PLEKHM3: variants seen among roughly 807,000 people sequenced by gnomAD.
PLEKHM3 encodes pleckstrin homology domain-containing family M member 3.
Under a neutral mutation model 81.8 loss-of-function variants are expected in PLEKHM3, and 45 were observed. The ratio of observed to expected loss-of-function variants is 0.55; its 90% CI spans 0.43 to 0.71. PLEKHM3 has a LOEUF of 0.71. Ranked by LOEUF, PLEKHM3 falls within the 30% of genes least tolerant of loss-of-function variation. The pLI, the probability that PLEKHM3 is intolerant of heterozygous loss-of-function variation, is 0.00. For synonymous variants in PLEKHM3, 352 were observed against 356.4 expected (o/e 0.99, Z 0.14); for missense variants, 788 against 924.3 (o/e 0.85, Z 1.91).
chr2:207,915,750 C>A (rs139642851), intron 5 of PLEKHM3, among the ~76,000 whole-genome samples: 1 of 152,104 alleles, frequency 6.6e-6, no homozygotes, highest in South Asian at 2.1e-4. Context: ...ATAAAGAATA[C>A]GGATAAAGAT....
intron 5 of PLEKHM3, among the ~76,000 whole-genome samples, chr2:207,925,402 G>A (rs921377588): frequency 1.3e-5 from 2 of 152,092 alleles, no homozygotes; most frequent in Non-Finnish European, 2.9e-5. Context: ...CTTCTCCCCT[G>A]TTCACCTCCT....
Position 207,977,277 on chromosome 2 carries a change from A to G in PLEKHM3, c.920T>C (p.Val307Ala). The G allele has an allele frequency of 6.2e-7, 1 of 1,614,164 alleles. No homozygotes were observed. The highest frequency in any genetic ancestry group is 8.5e-7 in the Non-Finnish European group (1 of 1,180,036). ...CATGTAACCGGGCACAGCAGCATGC[A>G]CTACTTCCCAAAGCTTCTGTCCCCA... ...LDWGQKLWEV[V>A]HAAVPGYMGR... The change falls in exon 3 of 8, where the codon GTG (valine) becomes GCG (alanine). Residue 307 changes from valine (V) to alanine (A), a missense_variant. Transcript: ENST00000427836.
intron 1 of PLEKHM3, among the ~76,000 whole-genome samples, chr2:208,009,047 T>C (rs35687108): frequency 0.22 from 32,812 of 152,168 alleles, 4,482 homozygotes; most frequent in East Asian, 0.54. Context: ...CAGTAAGTAT[T>C]TGCTGAGTGC....
intron 3 of PLEKHM3, 30 bp from the exon 4 acceptor site, chr2:207,946,542 T>C: frequency 6.2e-7 from 1 of 1,610,370 alleles, no homozygotes; most frequent in African/African-American, 1.3e-5. Context: ...GAGTCTATGA[T>C]TGCTGTTGTA....
intron 7 of PLEKHM3, among the ~76,000 whole-genome samples, chr2:207,856,630 T>C (rs2092438995): frequency 6.6e-6 from 1 of 152,228 alleles, no homozygotes; most frequent in Admixed American, 6.5e-5. Context: ...CATGTCTCTT[T>C]GTGGCCTGAC....
chr2:208,011,360 T>C (rs932048109), intron 1 of PLEKHM3, among the ~76,000 whole-genome samples: 3 of 152,160 alleles, frequency 2.0e-5, no homozygotes, highest in South Asian at 2.1e-4. Context: ...AATCAACGAA[T>C]AGAAAGAAAC....
At position 207,897,634 on chromosome 2, in the gene PLEKHM3, C is replaced by T. The variant is rs191645547; in HGVS notation, c.1950+10880G>A. ...AGCCTCCAAAGCTGCAGTGTGTGAC[C>T]GCTGCAGCGGCCAGCACCTCTGCAA... On this transcript the variant is annotated intron_variant, in intron 6 of 7. Transcript: ENST00000427836. Among the ~76,000 whole-genome samples the T allele has an allele frequency of 2.0e-5, 3 of 152,186 alleles. No individual in the cohort carries two copies. In the East Asian group the frequency reaches 5.8e-4, roughly 29 times the overall value.
At chr2:207,946,244 G>T in intron 4 of PLEKHM3, 123 bp downstream of exon 4, 1 of 1,146,530 alleles carries the variant, frequency 8.7e-7, no homozygotes, top group Non-Finnish European at 1.2e-6. Context: ...AGGTCTTGCA[G>T]CTTTTATGAG....
At chr2:207,917,774 G>C (rs917437815) in intron 5 of PLEKHM3, among the ~76,000 whole-genome samples, 2 of 152,178 alleles carry the variant, frequency 1.3e-5, no homozygotes, top group Non-Finnish European at 2.9e-5. Flanking sequence ...GAGCTTGGGA[G>C]GTCGAGGCTG....
At chr2:207,971,263 G>A (rs1362970858) in intron 3 of PLEKHM3, among the ~76,000 whole-genome samples, 1 of 152,180 alleles carries the variant, frequency 6.6e-6, no homozygotes, top group Non-Finnish European at 1.5e-5. Flanking sequence ...AGAAAACTAT[G>A]TATCTATTAA....
At chr2:207,875,942 A>G (rs1348651178) in intron 6 of PLEKHM3, among the ~76,000 whole-genome samples, 2 of 152,262 alleles carry the variant, frequency 1.3e-5, no homozygotes, top group Non-Finnish European at 2.9e-5. Flanking sequence ...AGAATGAGGT[A>G]AATCTTCATG....
At chr2:207,892,889 G>A (rs1458432514) in intron 6 of PLEKHM3, among the ~76,000 whole-genome samples, 2 of 152,160 alleles carry the variant, frequency 1.3e-5, no homozygotes, top group Admixed American at 1.3e-4. Context: ...AAGCTCAGGC[G>A]ATGTGGCTTA....
Position 207,828,499 on chromosome 2 carries a change from G to T in PLEKHM3, c.2109-3C>A. 6.2e-7 allele frequency: 1 copy of T among 1,612,992 alleles called. No homozygotes were observed. The highest frequency in any genetic ancestry group is 2.2e-5 in the East Asian group (1 of 44,874). On this transcript the variant is annotated splice_region_variant and splice_polypyrimidine_tract_variant and intron_variant, in intron 7 of 7. Transcript: ENST00000427836. Reference sequence around the variant, plus strand: ...AAACGGCTCCACAGCTTTCACACCTGCAAAAGTCAACCATGGATATGATGA... The same window carrying T: ...AAACGGCTCCACAGCTTTCACACCTTCAAAAGTCAACCATGGATATGATGA...
At chr2:207,921,824 G>T (rs1429334797) in intron 5 of PLEKHM3, among the ~76,000 whole-genome samples, 1 of 152,158 alleles carries the variant, frequency 6.6e-6, no homozygotes, top group East Asian at 1.9e-4. Flanking sequence ...CCATATTGCT[G>T]TGAATGACAG....
At chr2:207,908,766 C>T (rs545045962) in intron 5 of PLEKHM3, among the ~76,000 whole-genome samples, 189 bp from the exon 6 acceptor site, 1 of 152,286 alleles carries the variant, frequency 6.6e-6, no homozygotes, top group Non-Finnish European at 1.5e-5. Context: ...ACACAGACAC[C>T]AGAATGGAGG....
chr2:207,984,601 A>G (rs12694097), intron 2 of PLEKHM3, among the ~76,000 whole-genome samples: 102,196 of 151,966 alleles, frequency 0.67, 34,971 homozygotes, highest in Non-Finnish European at 0.73. Context: ...GGCTGGTCTC[A>G]AATTCCTGAC....
chr2:207,841,742 T>C (rs2105889688), intron 7 of PLEKHM3, among the ~76,000 whole-genome samples: 1 of 151,910 alleles, frequency 6.6e-6, no homozygotes, highest in South Asian at 2.1e-4. Context: ...ATTACTTGGG[T>C]CTATTTCCAT....
At position 207,867,168 on chromosome 2, in the gene PLEKHM3, C is replaced by T. The variant is rs908543013; in HGVS notation, c.1951-5906G>A. On this transcript the variant is annotated intron_variant, in intron 6 of 7. Transcript: ENST00000427836. Reference sequence around the variant, plus strand: ...AGTCATATCTTAGGTTGTCTTGTGTCGCAAACATTTTCAATCGTTCTGCTG... The same window carrying T: ...AGTCATATCTTAGGTTGTCTTGTGTTGCAAACATTTTCAATCGTTCTGCTG... Among the ~76,000 whole-genome samples, 5 of 152,112 alleles carry T rather than the reference C, an allele frequency of 3.3e-5. No homozygotes were observed. The East Asian group carries it at 5.8e-4, about 18-fold the overall frequency.
chr2:207,878,563 G>A (rs926585254), intron 6 of PLEKHM3, among the ~76,000 whole-genome samples: 6 of 152,196 alleles, frequency 3.9e-5, no homozygotes, highest in Admixed American at 1.3e-4. Flanking sequence ...AGCTGAGATC[G>A]CGCCACTGCA....
Sources: allele counts gnomAD v4.1 joint callset (sites outside exome capture counted in the v4.1 genomes callset), GRCh38; gene constraint gnomAD v4.1.1; transcripts MANE v1.5; gene names NCBI Gene and HGNC (gene_info 2026-07-23, HGNC 2026-07-21).